The following RB1CC1 variants were observed in gnomAD, a reference collection of about 807,000 sequenced individuals.
RB1CC1 encodes the protein RB1-inducible coiled-coil protein 1.
RB1CC1 carries 46 observed loss-of-function variants against 177.5 expected under a neutral mutation model. The ratio of observed to expected loss-of-function variants is 0.26; its 90% CI spans 0.20 to 0.33. RB1CC1 has a LOEUF of 0.33. Ranked by LOEUF, RB1CC1 falls within the 10% of genes least tolerant of loss-of-function variation. The pLI is 1.00. For synonymous variants in RB1CC1, 666 were observed against 613.6 expected (o/e 1.09, Z -1.26); for missense variants, 1,703 against 1,816.3 (o/e 0.94, Z 1.13).
intron 15 of RB1CC1, among the ~76,000 whole-genome samples, chr8:52,648,617 C>A (rs1373400070): frequency 2.6e-5 from 4 of 152,090 alleles, no homozygotes; most frequent in African/African-American, 9.7e-5. Context: ...TCCGAGACCC[C>A]CAGTGGATGC....
At chr8:52,646,247 G>C (rs1014479421) in intron 15 of RB1CC1, among the ~76,000 whole-genome samples, 5 of 152,034 alleles carry the variant, frequency 3.3e-5, no homozygotes, top group African/African-American at 1.2e-4. Context: ...AGGATCACTT[G>C]AGTCCAAGAG....
chr8:52,705,735 C>T (rs1375049662), intron 1 of RB1CC1, among the ~76,000 whole-genome samples: 1 of 152,088 alleles, frequency 6.6e-6, no homozygotes, highest in Non-Finnish European at 1.5e-5. Context: ...AAGGTTGAGG[C>T]AGGAGGATAT....
At position 52,683,971 on chromosome 8, in the gene RB1CC1, A is replaced by C; in HGVS notation, c.114T>G (p.Ile38Met). 1 of 1,614,088 alleles carries C rather than the reference A, an allele frequency of 6.2e-7. No homozygotes were observed. ...LKHAIQSKYK[I>M]AIQHQVLVVN... is the part of the protein sequence containing the mutation. ...CCACCAGCACCTGGTGTTGAATAGC[A>C]ATCTTGTATTTGCTTTGAATGGCAT... The change falls in exon 4 of 24, where the codon ATT becomes ATG. Residue 38 changes from isoleucine (I) to methionine (M), a missense_variant. Ile to Met is a conservative substitution (Grantham distance 10). This residue lies in a region of RB1CC1 where 118 missense variants were observed against 121.2 expected (regional missense o/e 0.97). Transcript: ENST00000025008.
At chr8:52,654,444 T>C (rs572535669) in intron 15 of RB1CC1, among the ~76,000 whole-genome samples, 1 of 150,010 alleles carries the variant, frequency 6.7e-6, no homozygotes, top group African/African-American at 2.4e-5. Context: ...AGTTTCACAG[T>C]AGCTTCCTGG....
chr8:52,632,414 G>A (rs1438119803), intron 20 of RB1CC1, among the ~76,000 whole-genome samples: 1 of 152,140 alleles, frequency 6.6e-6, no homozygotes, highest in African/African-American at 2.4e-5. Context: ...AACTAGGAAG[G>A]CCTAAAACTG....
chr8:52,684,603 T>C (rs967430050), intron 3 of RB1CC1, among the ~76,000 whole-genome samples: 3 of 152,190 alleles, frequency 2.0e-5, no homozygotes, highest in Non-Finnish European at 4.4e-5. Flanking sequence ...ATTAGATACC[T>C]GAGTCCCACT....
At chr8:52,710,660 T>A (rs1192429814) in intron 1 of RB1CC1, among the ~76,000 whole-genome samples, 1 of 152,156 alleles carries the variant, frequency 6.6e-6, no homozygotes, top group Non-Finnish European at 1.5e-5. Flanking sequence ...AGTGAAAATT[T>A]TCTAGTTGTG....
chr8:52,681,429 G>C (rs529268556), intron 5 of RB1CC1, among the ~76,000 whole-genome samples: 1 of 152,166 alleles, frequency 6.6e-6, no homozygotes, highest in South Asian at 2.1e-4. Flanking sequence ...TGAGTAAAAG[G>C]TCACACCACA....
intron 13 of RB1CC1, among the ~76,000 whole-genome samples, chr8:52,658,550 CT>C (rs1277772124): frequency 7.1e-6 from 1 of 141,418 alleles, no homozygotes; most frequent in African/African-American, 2.6e-5. Flanking sequence ...GCACTCCAGC[CT>C]GGGCGAGAGA....
At position 52,636,066 on chromosome 8, in the gene RB1CC1, T is replaced by C. The variant is rs1329309467; in HGVS notation, c.4341A>G (p.Glu1447=). The change falls in exon 19 of 24, where the codon GAA becomes GAG. Residue 1447 remains glutamate, a synonymous_variant. Coordinates refer to ENST00000025008, the MANE Select transcript of RB1CC1 (RefSeq NM_014781.5). ...TTTCTTCAGACAACATATGAATATT[T>C]TCTCTAAAAGTGAGAATAATTGAGT... ...AMETSMMSVQ[E]NIHMLSEEKQ... is the part of the protein sequence containing the mutation. 5.6e-6 allele frequency: 9 copies of C among 1,604,268 alleles called. No individual in the cohort carries two copies. The highest frequency in any genetic ancestry group is 7.6e-6 in the Non-Finnish European group (9 of 1,177,384).
At chr8:52,666,071 C>T (rs916050153) in intron 8 of RB1CC1, among the ~76,000 whole-genome samples, 4 of 152,044 alleles carry the variant, frequency 2.6e-5, no homozygotes, top group East Asian at 1.9e-4. Flanking sequence ...AAGTAATTTA[C>T]GATGGTAACT....
At chr8:52,653,260 G>A (rs542183500) in intron 15 of RB1CC1, among the ~76,000 whole-genome samples, 1 of 152,232 alleles carries the variant, frequency 6.6e-6, no homozygotes, top group Non-Finnish European at 1.5e-5. Context: ...ACAGCAGAGG[G>A]AGATGAGAAC....
Position 52,623,868 on chromosome 8 carries a change from G to A in RB1CC1, c.4708-9C>T. The A allele has an allele frequency of 1.3e-6, 2 of 1,586,124 alleles. No homozygotes were observed. The highest frequency in any genetic ancestry group is 1.7e-6 in the Non-Finnish European group (2 of 1,156,614). ...TTAAATCTGTTTTGTGCCTAAGAGG[G>A]AAAGAAAAAATGGAATCACTAGAGT... is the stretch of plus-strand genomic sequence containing the variant. On this transcript the variant is annotated splice_polypyrimidine_tract_variant and intron_variant, in intron 23 of 23. Transcript: ENST00000025008.
In RB1CC1 at chr8:52,683,943, T is replaced by G; in HGVS notation, c.142A>C (p.Asn48His). Residue 48 changes from asparagine to histidine, a missense_variant, in exon 4 of 24, where the codon AAT (asparagine) becomes CAT (histidine). Physicochemically the swap from Asn to His is moderately conservative, Grantham distance 68. Coordinates refer to ENST00000025008, the MANE Select transcript of RB1CC1 (RefSeq NM_014781.5). Reference protein sequence around the residue: ...IAIQHQVLVVNGGECMAADRR... With the variant: ...IAIQHQVLVVHGGECMAADRR... Reference sequence around the variant, plus strand: ...TCTGCAGCCATGCATTCTCCTCCATTGACCACCAGCACCTGGTGTTGAATA... The same window carrying G: ...TCTGCAGCCATGCATTCTCCTCCATGGACCACCAGCACCTGGTGTTGAATA... 6.2e-7 allele frequency: 1 copy of G among 1,614,146 alleles called. No individual in the cohort carries two copies. The highest frequency in any genetic ancestry group is 8.5e-7 in the Non-Finnish European group (1 of 1,180,022).
chr8:52,656,128 A>G lies in RB1CC1; in HGVS notation c.3701T>C (p.Leu1234Pro). The change falls in exon 15 of 24, where the codon CTT (leucine) becomes CCT (proline). Residue 1234 changes from leucine to proline, a missense_variant. By Grantham distance (98) the Leu-to-Pro change is moderately conservative (BLOSUM62 -3). Coordinates refer to ENST00000025008, the MANE Select transcript of RB1CC1 (RefSeq NM_014781.5). ...AATAGCTTCATCTTTTTCACAATTA[A>G]GCTTCTGAATTAACTGTTCTCTGTC... The part of the protein sequence containing the change: ...EQDREQLIQK[L>P]NCEKDEAIQT... The G allele has an allele frequency of 6.2e-7, 1 of 1,613,598 alleles. No individual in the cohort carries two copies. The highest frequency in any genetic ancestry group is 1.1e-5 in the South Asian group (1 of 91,054).
intron 15 of RB1CC1, among the ~76,000 whole-genome samples, chr8:52,646,391 A>G (rs921829828): frequency 1.3e-5 from 2 of 152,174 alleles, no homozygotes; most frequent in African/African-American, 4.8e-5. Flanking sequence ...AGAAGTTCAA[A>G]TCCTGCCTGG....
At chr8:52,659,072 CCAAA>C (rs1851365073) in intron 12 of RB1CC1, 96 bp from the exon 13 acceptor site, 3 of 567,508 alleles carry the variant, frequency 5.3e-6, no homozygotes, top group South Asian at 3.5e-5. Context: ...ATTTACTATA[CCAAA>C]CAAACTAAAG....
intron 20 of RB1CC1, among the ~76,000 whole-genome samples, chr8:52,631,514 T>C (rs1306925775): frequency 2.6e-5 from 4 of 152,204 alleles, no homozygotes; most frequent in African/African-American, 9.6e-5. Flanking sequence ...AGCATGTGGT[T>C]ACAGGTCTCT....
At chr8:52,627,530 T>A (rs1310368830) in intron 22 of RB1CC1, among the ~76,000 whole-genome samples, 1 of 152,142 alleles carries the variant, frequency 6.6e-6, no homozygotes, top group Non-Finnish European at 1.5e-5. Context: ...AAAAATCAAA[T>A]AGATAATAGA....
Sources: allele counts gnomAD v4.1 joint callset (sites outside exome capture counted in the v4.1 genomes callset), GRCh38; gene constraint gnomAD v4.1.1; regional missense constraint gnomAD v4.1.1; transcripts MANE v1.5; gene names NCBI Gene and HGNC (gene_info 2026-07-23, HGNC 2026-07-21).